Variants in NSUN2 observed in about 807,000 individuals in gnomAD.
NSUN2 encodes the protein NOP2/Sun RNA methyltransferase 2.
Under a neutral mutation model 92.7 loss-of-function variants are expected in NSUN2, and 63 were observed. The ratio of observed to expected loss-of-function variants is 0.68; its 90% CI spans 0.56 to 0.84. The LOEUF (loss-of-function observed/expected upper bound fraction) is 0.84. NSUN2 is among the 40% of genes least tolerant of loss of function. The probability of loss-of-function intolerance (pLI) is 0.00; values close to 1 mark genes in which losing one functional copy is unlikely to be tolerated. For missense variants in NSUN2, 989 were observed against 964.9 expected (o/e 1.02, Z -0.33); for synonymous variants, 356 against 348.3 (o/e 1.02, Z -0.25).
chr5:6,627,235 G>A (rs1256652673), intron 3 of NSUN2, among the ~76,000 whole-genome samples: 1 of 152,218 alleles, frequency 6.6e-6, no homozygotes, highest in Non-Finnish European at 1.5e-5. Context: ...GGACTCATTA[G>A]AGGCGAAATA....
rs1560148 is a variant in NSUN2 at position 6,610,124 on chromosome 5, T to C, written c.1227-202A>G. Among the ~76,000 whole-genome samples the C allele has an allele frequency of 0.59, 88,418 of 150,954 alleles. 26,603 individuals are homozygous for C. Among genetic ancestry groups the C allele is most frequent in the Non-Finnish European group, 0.67 (44,985 of 67,600 alleles). On this transcript the variant is annotated intron_variant, in intron 11 of 18. Transcript: ENST00000264670. ...TGTTGCCTAGGCTGGAGTGCAGTGG[T>C]GTGATCTCAACCCACTGTAGCCTCC...
At chr5:6,629,477 C>T (rs978242594) in intron 3 of NSUN2, among the ~76,000 whole-genome samples, 3 of 152,310 alleles carry the variant, frequency 2.0e-5, no homozygotes, top group Middle Eastern at 3.4e-3. Flanking sequence ...CATGCTGAAA[C>T]GTTCCTCCTG....
chr5:6,621,705 G>A (rs1184279858), intron 6 of NSUN2: 6 of 207,780 alleles, frequency 2.9e-5, no homozygotes, highest in South Asian at 1.5e-4. Flanking sequence ...CCAACATCAC[G>A]CCACTGCACT....
chr5:6,612,449 G>A (rs919802516), intron 9 of NSUN2, among the ~76,000 whole-genome samples: 7 of 152,184 alleles, frequency 4.6e-5, no homozygotes, highest in Non-Finnish European at 7.3e-5. Flanking sequence ...TGCGATAAGA[G>A]CTGTGAAAAC....
Position 6,616,747 on chromosome 5 carries a change from G to A in NSUN2, c.1001C>T (p.Ser334Phe). The change falls in exon 9 of 19, where the codon TCT (serine) becomes TTT (phenylalanine). Residue 334 changes from serine to phenylalanine, a missense_variant. Physicochemically the swap from Ser to Phe is radical, Grantham distance 155. Around this residue, in one of 3 missense-constraint regions of NSUN2, gnomAD observed 626 missense variants for 602.3 expected, o/e 1.04. Transcript: ENST00000264670. Reference sequence around the variant, plus strand: ...CTTACCTTCACTTTTTTCCAGTAAAGATGCTATGACTGCTTCATCCTCAAT... The same window carrying A: ...CTTACCTTCACTTTTTTCCAGTAAAAATGCTATGACTGCTTCATCCTCAAT... ...NPIEDEAVIASLLEKSEGALE... is the reference protein window; with the variant it reads ...NPIEDEAVIAFLLEKSEGALE... The A allele has an allele frequency of 6.8e-7, 1 of 1,471,894 alleles. No individual in the cohort carries two copies. Among genetic ancestry groups the A allele is most frequent in the East Asian group, 2.5e-5 (1 of 39,416 alleles). 91.2% of individuals were successfully genotyped at this position (1,471,894 alleles called of 1,614,324 possible).
chr5:6,608,986 C>G (rs1201321114), intron 12 of NSUN2, among the ~76,000 whole-genome samples: 2 of 152,200 alleles, frequency 1.3e-5, no homozygotes, highest in Non-Finnish European at 2.9e-5. Flanking sequence ...CTGGTGGCGG[C>G]AGAAGTGCAG....
In NSUN2 at chr5:6,600,276, T is replaced by C. The variant is rs370167439; in HGVS notation, c.1998-44A>G. On this transcript the variant is annotated intron_variant, in intron 18 of 18. Coordinates refer to ENST00000264670, the MANE Select transcript of NSUN2 (RefSeq NM_017755.6). Reference sequence around the variant, plus strand: ...TCATGTAGAACATTAAACATTCCCATAACTAAATCGAATGAGATGTAATAT... The same window carrying C: ...TCATGTAGAACATTAAACATTCCCACAACTAAATCGAATGAGATGTAATAT... The C allele has an allele frequency of 6.6e-5, 103 of 1,548,888 alleles. No homozygotes were observed. In the African/African-American group the frequency reaches 1.3e-3, roughly 20 times the overall value.
intron 7 of NSUN2, among the ~76,000 whole-genome samples, chr5:6,619,748 A>C (rs983891857): frequency 2.6e-5 from 4 of 152,254 alleles, no homozygotes; most frequent in Non-Finnish European, 4.4e-5. Flanking sequence ...GGAAGAACTA[A>C]TACAAAATAG....
intron 3 of NSUN2, among the ~76,000 whole-genome samples, 166 bp downstream of exon 3, chr5:6,631,707 G>C (rs1400479387): frequency 1.3e-5 from 2 of 152,220 alleles, no homozygotes; most frequent in African/African-American, 4.8e-5. Context: ...ATGAAAACTT[G>C]CGTAGCAATA....
rs1173203596 is a variant in NSUN2, at chr5:6,620,176, G to C, written c.745C>G (p.Leu249Val). 2.5e-6 allele frequency: 4 copies of C among 1,612,858 alleles called. No homozygotes were observed. The Admixed American group carries it at 6.7e-5, about 27-fold the overall frequency. Residue 249 changes from leucine to valine, a missense_variant, in exon 7 of 19, where the codon CTC becomes GTC. Leu to Val is a conservative substitution (Grantham distance 32). Around this residue, in one of 3 missense-constraint regions of NSUN2, gnomAD observed 356 missense variants for 338.6 expected, o/e 1.05. Coordinates refer to ENST00000264670, the MANE Select transcript of NSUN2 (RefSeq NM_017755.6). ...TTCCTGCCGTCCACATCTATCTGGA[G>C]CCTGGGTATGCTGGAGGCATCATGG... Reference protein sequence around the residue: ...VNHDASSIPRLQIDVDGRKEI... With the variant: ...VNHDASSIPRVQIDVDGRKEI...
At chr5:6,632,009 C>T in intron 2 of NSUN2, 32 bp from the exon 3 acceptor site, 1 of 1,503,318 alleles carries the variant, frequency 6.7e-7, no homozygotes, top group Non-Finnish European at 9.2e-7. Flanking sequence ...TCAAACTGAT[C>T]TAAAAAACTA....
chr5:6,606,588 T>A (rs1203130124), intron 14 of NSUN2, among the ~76,000 whole-genome samples: 1 of 148,400 alleles, frequency 6.7e-6, no homozygotes, highest in Non-Finnish European at 1.5e-5. Flanking sequence ...CCCGGTCCAG[T>A]TTTTTTTTAT....
rs1480251243 is a variant in NSUN2 at position 6,613,927 on chromosome 5, T to C, written c.1022-2129A>G. On this transcript the variant is annotated intron_variant, in intron 9 of 18. Transcript: ENST00000264670. ...GCCTGGCCAACATGGTGAAACCCCG[T>C]CTCTACTAAAAATACAAAAATTGGC... Among the ~76,000 whole-genome samples, 4 of 151,532 alleles carry C rather than the reference T, an allele frequency of 2.6e-5. No individual in the cohort carries two copies. The East Asian group carries it at 7.8e-4, about 30-fold the overall frequency.
intron 9 of NSUN2, among the ~76,000 whole-genome samples, chr5:6,615,703 C>T (rs1183706718): frequency 2.6e-5 from 4 of 152,250 alleles, no homozygotes; most frequent in Non-Finnish European, 5.9e-5. Flanking sequence ...CAGGTGGGCA[C>T]TGCCCAGGAA....
At chr5:6,603,577 G>C (rs888864740) in intron 17 of NSUN2, among the ~76,000 whole-genome samples, 2 of 152,204 alleles carry the variant, frequency 1.3e-5, no homozygotes, top group Admixed American at 6.5e-5. Flanking sequence ...TGTAGTCCCA[G>C]CTACTTGGGA....
intron 3 of NSUN2, among the ~76,000 whole-genome samples, chr5:6,630,244 C>A (rs1310183802): frequency 6.6e-6 from 1 of 152,184 alleles, no homozygotes; most frequent in Admixed American, 6.5e-5. Context: ...CAACGTAGCA[C>A]CCGTATCATT....
chr5:6,616,657 T>C lies in NSUN2; in HGVS notation c.1021+70A>G, dbSNP rs1479397124. On this transcript the variant is annotated intron_variant, in intron 9 of 18. Coordinates refer to ENST00000264670, the MANE Select transcript of NSUN2 (RefSeq NM_017755.6). The stretch of plus-strand genomic sequence containing the variant: ...GATTAAGATGGTAAACCTCACGTTA[T>C]GTGTATTGTACCATACACATATGAA... 6 of 162,466 alleles carry C rather than the reference T, an allele frequency of 3.7e-5. 2 individuals are homozygous for C. The South Asian group carries it at 4.9e-4, about 13-fold the overall frequency. 10.1% of individuals were successfully genotyped at this position (162,466 alleles called of 1,614,324 possible). A position where few individuals can be genotyped will look rare whatever the true frequency, so the allele number is the denominator to read the frequency against.
rs1737278870 is a variant in NSUN2, at chr5:6,617,960, G to A, written c.880C>T (p.Gln294Ter). Reference protein sequence around the residue: ...WKKWTTLNSLQLHGLQLRIAT... With the variant: ...WKKWTTLNSL ...TGAAGTTTTACTTACCCATGTAGCTGCAAGCTATTTAAGGTGGTCCACTTT... is the reference window on the plus strand; with the variant it reads ...TGAAGTTTTACTTACCCATGTAGCTACAAGCTATTTAAGGTGGTCCACTTT... The change falls in exon 8 of 19, where the codon CAG (glutamine) becomes TAG (stop). Residue 294 changes from glutamine to a stop codon, truncating the protein, a stop_gained. Coordinates refer to ENST00000264670, the MANE Select transcript of NSUN2 (RefSeq NM_017755.6). LOFTEE classifies it high-confidence loss of function. 1.9e-6 allele frequency: 3 copies of A among 1,612,588 alleles called. No individual in the cohort carries two copies. Among genetic ancestry groups the A allele is most frequent in the Non-Finnish European group, 2.5e-6 (3 of 1,178,880 alleles).
At chr5:6,626,392 G>A (rs560648438) in intron 3 of NSUN2, among the ~76,000 whole-genome samples, 1 of 140,262 alleles carries the variant, frequency 7.1e-6, no homozygotes, top group Middle Eastern at 3.6e-3. Context: ...TTTTTTTTTT[G>A]AGACAGTCTC....
Sources: gnomAD v4.1 joint callset for allele counts (sites outside exome capture counted in the v4.1 genomes callset) on GRCh38, gnomAD v4.1.1 for gene constraint, gnomAD v4.1.1 regional missense constraint, MANE v1.5 for transcripts, NCBI Gene and HGNC (gene_info 2026-07-23, HGNC 2026-07-21) for gene names.